The following PLEKHO2 variants were observed in gnomAD, a reference collection of about 807,000 sequenced individuals.
PLEKHO2 encodes pleckstrin homology domain containing O2.
Under a neutral mutation model 32.7 loss-of-function variants are expected in PLEKHO2, and 20 were observed. The observed-to-expected ratio is 0.61, with a 90% confidence interval of 0.43 to 0.89. The LOEUF is 0.89. Among genes scored for constraint, PLEKHO2 ranks in the 40% least tolerant of loss-of-function variants. PLEKHO2 has a pLI of 0.00. For missense variants in PLEKHO2, 568 were observed against 621.2 expected (o/e 0.91, Z 0.91); for synonymous variants, 247 against 246.3 (o/e 1.00, Z -0.03).
intron 5 of PLEKHO2, among the ~76,000 whole-genome samples, chr15:64,864,676 A>G (rs912936574): frequency 6.6e-6 from 1 of 152,188 alleles, no homozygotes; most frequent in African/African-American, 2.4e-5. Context: ...CTGTGATTCC[A>G]AAACAGGGAA....
chr15:64,862,883 C>T (rs1260961759), intron 5 of PLEKHO2, among the ~76,000 whole-genome samples: 1 of 151,378 alleles, frequency 6.6e-6, no homozygotes, highest in African/African-American at 2.4e-5. Flanking sequence ...CCCATTAACT[C>T]GTCATTTAGC....
In PLEKHO2 at chr15:64,860,161, AGTAG is replaced by A. The variant is rs34523868; in HGVS notation, c.384+166_384+169del. Among the ~76,000 whole-genome samples the A allele has an allele frequency of 8.9e-3, 1,353 of 152,258 alleles. 19 individuals carry two copies. The highest frequency in any genetic ancestry group is 0.031 in the African/African-American group (1,286 of 41,546). ...TATAGTCCTCACTACAGCCCCTCAT[AGTAG>A]GTGGTGCTGTCCTTGTTTTACAGAT... is the stretch of plus-strand genomic sequence containing the variant. On this transcript the variant is annotated intron_variant, in intron 4 of 5. Coordinates refer to ENST00000323544, the MANE Select transcript of PLEKHO2 (RefSeq NM_025201.5).
rs550556485 is a variant in PLEKHO2 at position 64,861,486 on chromosome 15, G to A, written c.394G>A (p.Asp132Asn). 1.1e-5 allele frequency: 18 copies of A among 1,600,908 alleles called. No homozygotes were observed. The East Asian group carries it at 3.8e-4, about 34-fold the overall frequency. Residue 132 changes from aspartate to asparagine, a missense_variant, in exon 5 of 6, where the codon GAC becomes AAC. By Grantham distance (23) the Asp-to-Asn change is conservative. Transcript: ENST00000323544. ...TTCCCCCTCCCTCCAGGTAAAGGTG[G>A]ACAAGAGCTGCGCCCTGGAGCATGT... The part of the protein sequence containing the change: ...KNKAFDEVKV[D>N]KSCALEHVTR...
chr15:64,864,592 T>C (rs549728833), intron 5 of PLEKHO2, among the ~76,000 whole-genome samples: 1 of 152,240 alleles, frequency 6.6e-6, no homozygotes, highest in South Asian at 2.1e-4. Flanking sequence ...CAGGCTTGTA[T>C]AGTCCAGTCC....
intron 5 of PLEKHO2, among the ~76,000 whole-genome samples, chr15:64,863,218 G>A (rs1160025488): frequency 1.3e-5 from 2 of 152,180 alleles, no homozygotes; most frequent in African/African-American, 4.8e-5. Flanking sequence ...TTACAGGCGT[G>A]AGCCACCGCG....
At chr15:64,853,770 C>G (rs2084587928) in intron 2 of PLEKHO2, among the ~76,000 whole-genome samples, 1 of 152,142 alleles carries the variant, frequency 6.6e-6, no homozygotes, top group Non-Finnish European at 1.5e-5. Context: ...GGGCCCTGCC[C>G]CTTATATTTG....
intron 1 of PLEKHO2, 135 bp downstream of exon 1, chr15:64,842,163 G>T: frequency 1.2e-6 from 1 of 827,512 alleles, no homozygotes; most frequent in South Asian, 6.2e-5. Context: ...CTGGGCAAAT[G>T]GGGCAGGGGC....
At chr15:64,856,063 T>C (rs2084604514) in intron 3 of PLEKHO2, among the ~76,000 whole-genome samples, 1 of 151,986 alleles carries the variant, frequency 6.6e-6, no homozygotes, top group Non-Finnish European at 1.5e-5. Flanking sequence ...GAGCTGGAAG[T>C]GTATCCCAGG....
chr15:64,864,373 G>A (rs1199383888), intron 5 of PLEKHO2, among the ~76,000 whole-genome samples: 2 of 152,158 alleles, frequency 1.3e-5, no homozygotes, highest in Non-Finnish European at 1.5e-5. Context: ...ACGGAACAGA[G>A]GTCTCCAGGA....
In PLEKHO2 at chr15:64,859,017, TAC is replaced by T. The variant is rs940439364; in HGVS notation, c.280-875_280-874del. Among the ~76,000 whole-genome samples the T allele has an allele frequency of 1.2e-4, 19 of 152,356 alleles. No homozygotes were observed. In the East Asian group the frequency reaches 3.3e-3, roughly 26 times the overall value. On this transcript the variant is annotated intron_variant, in intron 3 of 5. Transcript: ENST00000323544. Reference sequence around the variant, plus strand: ...TAGGTACCTCATATAGGTGGAATTGTACAGTTTTTGTCTTTTTGTGTCCAGCT... The same window carrying T: ...TAGGTACCTCATATAGGTGGAATTGTAGTTTTTGTCTTTTTGTGTCCAGCT...
At chr15:64,842,565 G>A (rs2084493483) in intron 1 of PLEKHO2, among the ~76,000 whole-genome samples, 1 of 151,978 alleles carries the variant, frequency 6.6e-6, no homozygotes, top group African/African-American at 2.4e-5. Context: ...GGTGGCAGGA[G>A]GATTGGAGAA....
In PLEKHO2 at chr15:64,865,430, G is replaced by T. The variant is rs755596359; in HGVS notation, c.1015G>T (p.Val339Leu). 6.2e-7 allele frequency: 1 copy of T among 1,614,114 alleles called. No individual in the cohort carries two copies. ...TTCTGGGCCACCTGCTCCAGGCACA[G>T]TGCAGGTCTCAGTGAATGGCATGGA... ...QASGPPAPGT[V>L]QVSVNGMDDS... is the part of the protein sequence containing the mutation. Residue 339 changes from valine (V) to leucine (L), a missense_variant, in exon 6 of 6, where the codon GTG becomes TTG. Physicochemically the swap from Val to Leu is conservative, Grantham distance 32 (BLOSUM62 1). Transcript: ENST00000323544.
chr15:64,845,006 C>G (rs2084512517), intron 1 of PLEKHO2, among the ~76,000 whole-genome samples: 1 of 152,196 alleles, frequency 6.6e-6, no homozygotes, highest in Non-Finnish European at 1.5e-5. Context: ...CTTCCTCTCT[C>G]TCAATGCCCC....
intron 2 of PLEKHO2, among the ~76,000 whole-genome samples, chr15:64,850,151 A>G (rs947137939): frequency 6.6e-6 from 1 of 151,770 alleles, no homozygotes; most frequent in African/African-American, 2.4e-5. Flanking sequence ...CAAGAGTGAA[A>G]CTCCATCTCA....
intron 1 of PLEKHO2, among the ~76,000 whole-genome samples, chr15:64,843,441 C>T (rs1343815829): frequency 6.6e-6 from 1 of 152,194 alleles, no homozygotes; most frequent in Non-Finnish European, 1.5e-5. Flanking sequence ...CTCCCCTGCT[C>T]CCAGAGGATG....
Position 64,855,038 on chromosome 15 carries a change from G to A in PLEKHO2, c.279+1G>A. On this transcript the variant is annotated splice_donor_variant, in intron 3 of 5. Coordinates refer to ENST00000323544, the MANE Select transcript of PLEKHO2 (RefSeq NM_025201.5). LOFTEE classifies it high-confidence loss of function. ...CCTGCTGCGATCCCCAGGGAACAAG[G>A]TAGGGCGATGCCTGCTGCTGCCCCA... 2 of 1,575,168 alleles carry A rather than the reference G, an allele frequency of 1.3e-6. No individual in the cohort carries two copies. The highest frequency in any genetic ancestry group is 1.2e-5 in the South Asian group (1 of 86,216).
At chr15:64,847,028 C>T (rs908747373) in intron 1 of PLEKHO2, among the ~76,000 whole-genome samples, 15 of 152,346 alleles carry the variant, frequency 9.8e-5, no homozygotes, top group Admixed American at 9.1e-4. Context: ...CTGTTAGTAG[C>T]TGCATTTCAC....
At chr15:64,863,519 TTG>T (rs147780306) in intron 5 of PLEKHO2, among the ~76,000 whole-genome samples, 25,500 of 144,770 alleles carry the variant, frequency 0.18, 2,925 homozygotes, top group East Asian at 0.69. Flanking sequence ...GTGTGTGTGT[TTG>T]TGTGTGTGTG....
At chr15:64,864,605 G>A (rs763891933) in intron 5 of PLEKHO2, among the ~76,000 whole-genome samples, 2 of 152,162 alleles carry the variant, frequency 1.3e-5, no homozygotes, top group African/African-American at 4.8e-5. Context: ...TCCAGTCCAG[G>A]TCCAGTATCC....
Sources: gnomAD v4.1 joint callset for allele counts (sites outside exome capture counted in the v4.1 genomes callset) on GRCh38, gnomAD v4.1.1 for gene constraint, MANE v1.5 for transcripts, NCBI Gene and HGNC (gene_info 2026-07-23, HGNC 2026-07-21) for gene names.